STK10: variants seen among roughly 807,000 people sequenced by gnomAD.
STK10 encodes serine/threonine kinase 10, also known as serine/threonine-protein kinase 10.
Under a neutral mutation model 113.8 loss-of-function variants are expected in STK10, and 78 were observed. The observed-to-expected ratio is 0.69, with a 90% CI of 0.57 to 0.83. The LOEUF (loss-of-function observed/expected upper bound fraction) is 0.83. Ranked by LOEUF, STK10 falls within the 40% of genes least tolerant of loss-of-function variation. The pLI, the probability that STK10 is intolerant of heterozygous loss-of-function variation, is 0.00. For synonymous variants in STK10, 465 were observed against 494.7 expected (o/e 0.94, Z 0.80); for missense variants, 1,109 against 1,280.1 (o/e 0.87, Z 2.04).
chr5:172,156,858 G>A (rs889593396), intron 1 of STK10, 70 bp from the exon 2 acceptor site: 188 of 1,539,776 alleles, frequency 1.2e-4, no homozygotes, highest in Middle Eastern at 3.6e-4. Flanking sequence ...ACGTGAGCCC[G>A]CAGTCCTGCA....
intron 12 of STK10, among the ~76,000 whole-genome samples, chr5:172,078,055 C>G (rs1228231845): frequency 2.0e-5 from 3 of 152,184 alleles, no homozygotes; most frequent in Non-Finnish European, 4.4e-5. Flanking sequence ...ACCACTATGT[C>G]AAGGGCAATA....
At chr5:172,047,614 A>C (rs1767518117) in intron 18 of STK10, among the ~76,000 whole-genome samples, 1 of 152,172 alleles carries the variant, frequency 6.6e-6, no homozygotes, top group African/African-American at 2.4e-5. Flanking sequence ...GGAGGCCTCA[A>C]TTCAAGGACT....
At chr5:172,174,509 C>T (rs1039893886) in intron 1 of STK10, among the ~76,000 whole-genome samples, 1 of 152,062 alleles carries the variant, frequency 6.6e-6, no homozygotes, top group Admixed American at 6.6e-5. Flanking sequence ...ATCTACCCTC[C>T]GCGGGCCCTG....
At chr5:172,064,527 GATGGAGGCAGGGCAATCGAGGAAGGCTGC>G in intron 13 of STK10, 164 bp downstream of exon 13, 1 of 617,022 alleles carries the variant, frequency 1.6e-6, no homozygotes, top group Non-Finnish European at 2.9e-6. Flanking sequence ...CTTACTTCCA[GATGGAGGCAGGGCAATCGAGGAAGGCTGC>G]ATGGAGGAGG....
intron 10 of STK10, among the ~76,000 whole-genome samples, chr5:172,088,393 G>A (rs568091452): frequency 1.3e-5 from 2 of 152,112 alleles, no homozygotes; most frequent in South Asian, 2.1e-4. Flanking sequence ...GCATGGTGGC[G>A]GGCACCTGTA....
At chr5:172,127,085 T>G (rs1769636727) in intron 3 of STK10, among the ~76,000 whole-genome samples, 2 of 152,074 alleles carry the variant, frequency 1.3e-5, no homozygotes, top group African/African-American at 4.8e-5. Flanking sequence ...GGAGAGTCAT[T>G]TGAACCCGGG....
chr5:172,151,553 G>A (rs1403199378), intron 2 of STK10, among the ~76,000 whole-genome samples: 1 of 151,936 alleles, frequency 6.6e-6, no homozygotes, highest in Non-Finnish European at 1.5e-5. Context: ...CACCATATTG[G>A]CCAGGCTGGT....
At chr5:172,096,583 G>A (rs763857314) in intron 7 of STK10, 23 bp from the exon 8 acceptor site, 1 of 1,611,240 alleles carries the variant, frequency 6.2e-7, no homozygotes, top group South Asian at 1.1e-5. Flanking sequence ...GATGCACCCA[G>A]ATTAGAACCA....
chr5:172,072,251 A>C (rs56211601), intron 12 of STK10, among the ~76,000 whole-genome samples: 33,480 of 151,900 alleles, frequency 0.22, 4,871 homozygotes, highest in African/African-American at 0.41. Flanking sequence ...AGGAGACTTA[A>C]AAAATTTTTT....
chr5:172,087,930 A>G (rs1196842240), intron 10 of STK10, among the ~76,000 whole-genome samples: 2 of 151,266 alleles, frequency 1.3e-5, no homozygotes, highest in Non-Finnish European at 2.9e-5. Flanking sequence ...GCCCGGCCTT[A>G]AATTTATTTT....
chr5:172,184,994 G>T (rs971253860), intron 1 of STK10, among the ~76,000 whole-genome samples: 1 of 151,958 alleles, frequency 6.6e-6, no homozygotes. Flanking sequence ...GACTTTCCAC[G>T]TGCTTTGGAG....
chr5:172,094,036 A>G, intron 8 of STK10, 76 bp from the exon 9 acceptor site: 1 of 1,156,666 alleles, frequency 8.6e-7, no homozygotes. Flanking sequence ...TGCAGTGGAG[A>G]AAGTCAGACA....
chr5:172,084,402 AAATAAT>A (rs60087344), intron 10 of STK10, among the ~76,000 whole-genome samples: 49 of 149,194 alleles, frequency 3.3e-4, no homozygotes, highest in Admixed American at 1.1e-3. Context: ...TTCTGTCTCA[AAATAAT>A]AATAATAATA....
chr5:172,047,536 C>T (rs542533400), intron 18 of STK10, among the ~76,000 whole-genome samples: 23 of 152,140 alleles, frequency 1.5e-4, no homozygotes, highest in Admixed American at 1.5e-3. Context: ...AACTGATGAG[C>T]GTGGGCCTAA....
chr5:172,076,795 C>T (rs914999996), intron 12 of STK10, among the ~76,000 whole-genome samples: 1 of 152,174 alleles, frequency 6.6e-6, no homozygotes, highest in Non-Finnish European at 1.5e-5. Flanking sequence ...TGCCAAAATG[C>T]CTTTCGACAG....
chr5:172,083,964 G>C (rs79806337), intron 10 of STK10, among the ~76,000 whole-genome samples: 5,820 of 146,648 alleles, frequency 0.04, 397 homozygotes, highest in African/African-American at 0.14. Flanking sequence ...CATTTAAAAT[G>C]AATGTTATTT....
At chr5:172,063,992 G>A (rs1012621163) in intron 13 of STK10, among the ~76,000 whole-genome samples, 3 of 152,154 alleles carry the variant, frequency 2.0e-5, no homozygotes, top group Non-Finnish European at 2.9e-5. Flanking sequence ...AAGAGGCGGC[G>A]CTTATCTTAG....
intron 15 of STK10, among the ~76,000 whole-genome samples, chr5:172,056,189 C>T (rs951430619): frequency 2.0e-5 from 3 of 152,224 alleles, no homozygotes; most frequent in African/African-American, 7.2e-5. Flanking sequence ...TGGGCATCAC[C>T]TCCTCCAAGA....
intron 3 of STK10, among the ~76,000 whole-genome samples, chr5:172,119,097 C>T (rs1769448914): frequency 1.3e-5 from 2 of 152,114 alleles, no homozygotes; most frequent in Admixed American, 1.3e-4. Context: ...GACACAGCGC[C>T]CACGTGCGCA....
Sources: allele counts gnomAD v4.1 joint callset (sites outside exome capture counted in the v4.1 genomes callset), GRCh38; gene constraint gnomAD v4.1.1; transcripts MANE v1.5; gene names NCBI Gene and HGNC (gene_info 2026-07-23, HGNC 2026-07-21).